The following DPP10 variants were observed in gnomAD, a reference collection of about 807,000 sequenced individuals.
The protein encoded by DPP10 is inactive dipeptidyl peptidase 10.
In DPP10, 33 loss-of-function variants were observed where a neutral mutation model predicts 120.9. The observed-to-expected ratio is 0.27, with a 90% confidence interval of 0.21 to 0.37. The LOEUF (loss-of-function observed/expected upper bound fraction) is 0.37. Ranked by LOEUF, DPP10 falls within the 10% of genes least tolerant of loss-of-function variation. DPP10 has a pLI of 1.00. For synonymous variants in DPP10, 337 were observed against 326.1 expected (o/e 1.03, Z -0.36); for missense variants, 816 against 942.8 (o/e 0.87, Z 1.76).
At chr2:115,164,496 A>G (rs1239828594) in intron 1 of DPP10, among the ~76,000 whole-genome samples, 1 of 152,162 alleles carries the variant, frequency 6.6e-6, no homozygotes. Flanking sequence ...ATGAAATTTT[A>G]CCTAGTGGTT....
Position 115,127,467 on chromosome 2 carries a change from T to C in DPP10, c.61-181772T>C, listed in dbSNP as rs188462268. Among the ~76,000 whole-genome samples the C allele has an allele frequency of 1.0e-3, 155 of 152,284 alleles. 1 individual carries two copies. The highest frequency in any genetic ancestry group is 2.0e-3 in the Non-Finnish European group (134 of 68,016). ...ACCCCACCTCTGTCTTTGCCTACCA[T>C]ACACTGAAACCTAGAGTCAGATGGC... is the stretch of plus-strand genomic sequence containing the variant. On this transcript the variant is annotated intron_variant, in intron 1 of 25. Transcript: ENST00000410059.
At chr2:115,578,213 C>T (rs2081798620) in intron 5 of DPP10, among the ~76,000 whole-genome samples, 1 of 152,086 alleles carries the variant, frequency 6.6e-6, no homozygotes, top group Non-Finnish European at 1.5e-5. Context: ...ACATGAAATA[C>T]TCTCTTCACA....
intron 1 of DPP10, among the ~76,000 whole-genome samples, chr2:114,798,819 C>A (rs1048253771): frequency 2.6e-5 from 4 of 151,880 alleles, no homozygotes; most frequent in Non-Finnish European, 5.9e-5. Context: ...CTTAAATTTA[C>A]AAAAAAATAA....
At chr2:115,481,729 G>A (rs2075440579) in intron 3 of DPP10, among the ~76,000 whole-genome samples, 1 of 151,854 alleles carries the variant, frequency 6.6e-6, no homozygotes, top group African/African-American at 2.4e-5. Flanking sequence ...CCTTCAGTTA[G>A]ATTAATATTT....
intron 1 of DPP10, among the ~76,000 whole-genome samples, chr2:114,947,434 A>G (rs1697450851): frequency 6.7e-6 from 1 of 149,964 alleles, no homozygotes; most frequent in African/African-American, 2.5e-5. Context: ...CAATTTTTTT[A>G]TGTGAATTTG....
At chr2:115,125,673 G>A (rs7575626) in intron 1 of DPP10, among the ~76,000 whole-genome samples, 102,448 of 150,166 alleles carry the variant, frequency 0.68, 34,967 homozygotes, top group Non-Finnish European at 0.71. Context: ...CCGGGTTCAC[G>A]CCATTCTCCT....
intron 1 of DPP10, among the ~76,000 whole-genome samples, chr2:115,032,896 A>G (rs538759112): frequency 3.6e-4 from 55 of 151,548 alleles, no homozygotes; most frequent in Admixed American, 1.1e-3. Context: ...AAAAAAAAAA[A>G]AAGAAGAAGA....
intron 5 of DPP10, among the ~76,000 whole-genome samples, chr2:115,620,156 T>A (rs2084838075): frequency 6.6e-6 from 1 of 152,218 alleles, no homozygotes; most frequent in Admixed American, 6.5e-5. Context: ...AACAGAGCGC[T>A]GGGCCAGGCT....
chr2:114,522,663 G>A (rs1261302790), intron 1 of DPP10, among the ~76,000 whole-genome samples: 1 of 152,116 alleles, frequency 6.6e-6, no homozygotes, highest in Admixed American at 6.5e-5. Flanking sequence ...TCTTTTTGGG[G>A]TGTATTAATC....
chr2:115,115,614 T>C (rs2049461490), intron 1 of DPP10, among the ~76,000 whole-genome samples: 1 of 152,178 alleles, frequency 6.6e-6, no homozygotes, highest in African/African-American at 2.4e-5. Flanking sequence ...GCTACTCCAA[T>C]CTTTAGTACA....
At chr2:115,348,795 G>A (rs1309776977) in intron 3 of DPP10, among the ~76,000 whole-genome samples, 1 of 152,078 alleles carries the variant, frequency 6.6e-6, no homozygotes, top group Non-Finnish European at 1.5e-5. Flanking sequence ...TGCAGCTAGT[G>A]TGTCCTTTAC....
intron 3 of DPP10, among the ~76,000 whole-genome samples, chr2:115,460,900 C>T (rs2073947285): frequency 6.6e-6 from 1 of 152,062 alleles, no homozygotes; most frequent in South Asian, 2.1e-4. Context: ...ATTGATTGTT[C>T]CACATGAGGG....
chr2:115,472,912 G>A (rs2074827159), intron 3 of DPP10, among the ~76,000 whole-genome samples: 1 of 152,172 alleles, frequency 6.6e-6, no homozygotes, highest in Non-Finnish European at 1.5e-5. Flanking sequence ...GTATTTGCCT[G>A]TTAGACTTCT....
rs746626403 is a variant in DPP10, at chr2:115,836,151, C to T, written c.1951-6C>T. 1.3e-6 allele frequency: 2 copies of T among 1,536,628 alleles called. No homozygotes were observed. Among genetic ancestry groups the T allele is most frequent in the Non-Finnish European group, 1.8e-6 (2 of 1,141,638 alleles). On this transcript the variant is annotated splice_polypyrimidine_tract_variant and splice_region_variant and intron_variant, in intron 21 of 25. Coordinates refer to ENST00000410059, the MANE Select transcript of DPP10 (RefSeq NM_020868.6). ...ATATATATATATATATATTTTTCCC[C>T]CCCAGGGTTATGGTGGCTATATTGC...
At chr2:115,378,152 C>G (rs1457276138) in intron 3 of DPP10, among the ~76,000 whole-genome samples, 7 of 152,104 alleles carry the variant, frequency 4.6e-5, no homozygotes, top group African/African-American at 1.7e-4. Context: ...GCAGTATGGC[C>G]ATTTTCACGC....
At chr2:115,100,560 A>T (rs1361863643) in intron 1 of DPP10, among the ~76,000 whole-genome samples, 1 of 151,898 alleles carries the variant, frequency 6.6e-6, no homozygotes, top group Non-Finnish European at 1.5e-5. Flanking sequence ...GTGTATGTAC[A>T]TGTGTGTGTG....
At chr2:115,082,143 C>T (rs981339655) in intron 1 of DPP10, among the ~76,000 whole-genome samples, 1 of 152,106 alleles carries the variant, frequency 6.6e-6, no homozygotes, top group African/African-American at 2.4e-5. Flanking sequence ...TAAGCAGACC[C>T]TCCCATTACT....
At chr2:115,446,614 CTT>C (rs755677462) in intron 3 of DPP10, among the ~76,000 whole-genome samples, 33 of 152,244 alleles carry the variant, frequency 2.2e-4, no homozygotes, top group East Asian at 1.9e-3. Flanking sequence ...TTCTGTGTCT[CTT>C]TGTCTTGCTT....
chr2:114,880,762 A>G (rs958927733), intron 1 of DPP10, among the ~76,000 whole-genome samples: 2 of 152,224 alleles, frequency 1.3e-5, no homozygotes, highest in African/African-American at 2.4e-5. Flanking sequence ...ACATTAAAAC[A>G]TTTAATTACA....
Sources: gnomAD v4.1 joint callset for allele counts (sites outside exome capture counted in the v4.1 genomes callset) on GRCh38, gnomAD v4.1.1 for gene constraint, MANE v1.5 for transcripts, NCBI Gene and HGNC (gene_info 2026-07-23, HGNC 2026-07-21) for gene names.